ASF1B: variants seen among roughly 807,000 people sequenced by gnomAD.
The protein encoded by ASF1B is anti-silencing function 1B histone chaperone, also known as histone chaperone ASF1B.
ASF1B carries 10 observed loss-of-function variants against 16.6 expected under a neutral mutation model. The ratio of observed to expected loss-of-function variants is 0.60; its 90% CI spans 0.37 to 1.02. The LOEUF (loss-of-function observed/expected upper bound fraction) is 1.02, where lower values mean the gene tolerates loss of function less well. ASF1B is among the 50% of genes least tolerant of loss of function. The probability of loss-of-function intolerance (pLI) is 0.01; values close to 1 mark genes in which losing one functional copy is unlikely to be tolerated. For missense variants in ASF1B, 240 were observed against 266.0 expected (o/e 0.90, Z 0.68); for synonymous variants, 101 against 106.2 (o/e 0.95, Z 0.30).
intron 1 of ASF1B, among the ~76,000 whole-genome samples, chr19:14,128,988 GT>G (rs747802036): frequency 2.0e-5 from 3 of 152,210 alleles, no homozygotes; most frequent in Non-Finnish European, 4.4e-5. Flanking sequence ...ACCTGATGTT[GT>G]CCAGCTGAGG....
chr19:14,129,073 G>A (rs780845912), intron 1 of ASF1B, among the ~76,000 whole-genome samples: 1 of 152,070 alleles, frequency 6.6e-6, no homozygotes, highest in Non-Finnish European at 1.5e-5. Context: ...CTGCAACATA[G>A]GCAGACTCGA....
At chr19:14,130,797 A>ATG (rs1176131353) in intron 1 of ASF1B, among the ~76,000 whole-genome samples, 1 of 149,968 alleles carries the variant, frequency 6.7e-6, no homozygotes, top group Non-Finnish European at 1.5e-5. Context: ...GTATATATAT[A>ATG]TATATATATA....
intron 1 of ASF1B, among the ~76,000 whole-genome samples, chr19:14,135,192 C>G (rs577390284): frequency 6.8e-6 from 1 of 146,600 alleles, no homozygotes; most frequent in Admixed American, 6.8e-5. Context: ...CCATTGCACT[C>G]CAGCCTGGGC....
chr19:14,136,427 C>A lies in ASF1B; in HGVS notation c.30G>T (p.Ala10=). The A allele has an allele frequency of 6.2e-7, 1 of 1,613,716 alleles. No individual in the cohort carries two copies. The highest frequency in any genetic ancestry group is 1.6e-4 in the Middle Eastern group (1 of 6,062). MAKVSVLNV[A]VLENPSPFHS... Reference sequence around the variant, plus strand: ...GGAAAGGGCTCGGGTTCTCCAGGACCGCCACGTTCAGCACCGACACCTTGG... The same window carrying A: ...GGAAAGGGCTCGGGTTCTCCAGGACAGCCACGTTCAGCACCGACACCTTGG... Residue 10 remains alanine (A), a synonymous_variant, in exon 1 of 4, where the codon GCG becomes GCT. Transcript: ENST00000263382.
At position 14,120,446 on chromosome 19, in the gene ASF1B, T is replaced by C. The variant is rs551860719; in HGVS notation, c.*13A>G. ...CCCCTCCCGGCGTGCTGGGACACTC[T>C]GGGTTCCTGCAGTTAGATGCAGTCC... On this transcript the variant is annotated 3_prime_UTR_variant, in exon 4 of 4. Transcript: ENST00000263382. 5 of 1,611,982 alleles carry C rather than the reference T, an allele frequency of 3.1e-6. No homozygotes were observed. In the Admixed American group the frequency reaches 6.7e-5, roughly 22 times the overall value.
intron 1 of ASF1B, 147 bp downstream of exon 1, chr19:14,136,201 T>G: frequency 1.8e-6 from 1 of 564,846 alleles, no homozygotes; most frequent in Non-Finnish European, 3.0e-6. Flanking sequence ...GGAGATCCGG[T>G]TGACTGGCGG....
chr19:14,122,211 G>A (rs571127567), intron 2 of ASF1B, among the ~76,000 whole-genome samples: 2 of 152,102 alleles, frequency 1.3e-5, no homozygotes, highest in African/African-American at 2.4e-5. Context: ...GATTACAGGT[G>A]TGAGCCACTG....
intron 1 of ASF1B, among the ~76,000 whole-genome samples, chr19:14,127,670 CTT>C (rs1236635357): frequency 1.3e-5 from 2 of 151,890 alleles, no homozygotes; most frequent in Admixed American, 6.6e-5. Flanking sequence ...CAGTTTCACT[CTT>C]GTTGTCCAGG....
chr19:14,121,923 C>CTT (rs532286071), intron 2 of ASF1B, among the ~76,000 whole-genome samples: 3 of 141,912 alleles, frequency 2.1e-5, no homozygotes, highest in South Asian at 2.3e-4. Flanking sequence ...ACCCGGCTAA[C>CTT]TTTTTTTTTT....
At position 14,132,888 on chromosome 19, in the gene ASF1B, A is replaced by G. The variant is rs368886359; in HGVS notation, c.109+3460T>C. 2.2e-4 allele frequency among the ~76,000 whole-genome samples: 33 copies of G among 151,812 alleles called. No individual in the cohort carries two copies. The East Asian group carries it at 5.6e-3, about 26-fold the overall frequency. On this transcript the variant is annotated intron_variant, in intron 1 of 3. Coordinates refer to ENST00000263382, the MANE Select transcript of ASF1B (RefSeq NM_018154.3). ...GGCTCACGCCTGTAATCCCAGGCCGAGGCGGGCGGATCACAAGGTCAGGAA... is the reference window on the plus strand; with the variant it reads ...GGCTCACGCCTGTAATCCCAGGCCGGGGCGGGCGGATCACAAGGTCAGGAA...
In ASF1B at chr19:14,120,612, G is replaced by A; in HGVS notation, c.456C>T (p.Asn152=). Residue 152 remains asparagine (N), a synonymous_variant, in exon 4 of 4, where the codon AAC becomes AAT. Coordinates refer to ENST00000263382, the MANE Select transcript of ASF1B (RefSeq NM_018154.3). ...CCAGCCTGTCCATGTTGTTGTCCCA[G>A]TTGATATGGAAGCGGGTCACCCGGG... ...SNPRVTRFHI[N]WDNNMDRLEA... The A allele has an allele frequency of 6.2e-7, 1 of 1,614,120 alleles. No homozygotes were observed. The highest frequency in any genetic ancestry group is 8.5e-7 in the Non-Finnish European group (1 of 1,180,014).
intron 1 of ASF1B, among the ~76,000 whole-genome samples, chr19:14,126,484 T>C (rs1329022284): frequency 1.6e-4 from 25 of 152,040 alleles, no homozygotes; most frequent in Admixed American, 1.6e-3. Context: ...TTTTTTTTCT[T>C]TTTTGAGATG....
intron 1 of ASF1B, among the ~76,000 whole-genome samples, chr19:14,130,553 C>A (rs968454748): frequency 6.6e-6 from 1 of 151,166 alleles, no homozygotes. Context: ...TAGAGACATA[C>A]GTGTATGATT....
chr19:14,124,881 G>A (rs1057077456), intron 2 of ASF1B, among the ~76,000 whole-genome samples: 2 of 152,210 alleles, frequency 1.3e-5, no homozygotes, highest in Non-Finnish European at 2.9e-5. Context: ...GAAAATATGC[G>A]TATTAGAGAA....
In ASF1B at chr19:14,135,117, G is replaced by A. The variant is rs191776091; in HGVS notation, c.109+1231C>T. Reference sequence around the variant, plus strand: ...CAGGCGCCTGTAGTCCCAGCTACTCGGGAGGCTGAGGCAGAAGAATCGCTT... The same window carrying A: ...CAGGCGCCTGTAGTCCCAGCTACTCAGGAGGCTGAGGCAGAAGAATCGCTT... On this transcript the variant is annotated intron_variant, in intron 1 of 3. Coordinates refer to ENST00000263382, the MANE Select transcript of ASF1B (RefSeq NM_018154.3). Among the ~76,000 whole-genome samples, 88 of 151,706 alleles carry A rather than the reference G, an allele frequency of 5.8e-4. 1 individual carries two copies. The East Asian group carries it at 0.017, about 29-fold the overall frequency.
chr19:14,123,198 C>A (rs933903801), intron 2 of ASF1B, among the ~76,000 whole-genome samples: 1 of 152,050 alleles, frequency 6.6e-6, no homozygotes, highest in South Asian at 2.1e-4. Flanking sequence ...CCAGTCCTGA[C>A]TGTTGAGTAG....
chr19:14,135,078 G>T (rs1397582699), intron 1 of ASF1B, among the ~76,000 whole-genome samples: 1 of 152,002 alleles, frequency 6.6e-6, no homozygotes, highest in African/African-American at 2.4e-5. Context: ...ACTAAAATTA[G>T]CTGGGCGTGG....
chr19:14,133,983 T>C (rs2144521299), intron 1 of ASF1B, among the ~76,000 whole-genome samples: 1 of 151,918 alleles, frequency 6.6e-6, no homozygotes, highest in East Asian at 2.0e-4. Context: ...TTTTGTGTTT[T>C]TTAGTAGAGA....
Position 14,136,554 on chromosome 19 carries a change from T to C in ASF1B, c.-98A>G, listed in dbSNP as rs1967507666. ...GGTCAGTGGGGTAGGGCTGACCAGG[T>C]CCACTCCCGCCTCTTCTCTCCGAGA... On this transcript the variant is annotated 5_prime_UTR_variant, in exon 1 of 4. Coordinates refer to ENST00000263382, the MANE Select transcript of ASF1B (RefSeq NM_018154.3). 5 of 922,342 alleles carry C rather than the reference T, an allele frequency of 5.4e-6. No homozygotes were observed. Among genetic ancestry groups the C allele is most frequent in the African/African-American group, 1.7e-5 (1 of 59,844 alleles). The allele number at this position is 922,342 out of a possible 1,614,324, so 57.1% of individuals were successfully genotyped here.
Sources: gnomAD v4.1 joint callset for allele counts (sites outside exome capture counted in the v4.1 genomes callset) on GRCh38, gnomAD v4.1.1 for gene constraint, MANE v1.5 for transcripts, NCBI Gene and HGNC (gene_info 2026-07-23, HGNC 2026-07-21) for gene names.